The following CACNA1C variants were observed in gnomAD, a reference collection of about 807,000 sequenced individuals.
CACNA1C encodes voltage-dependent L-type calcium channel subunit alpha-1C.
Under a neutral mutation model 229.0 loss-of-function variants are expected in CACNA1C, and 30 were observed. The ratio of observed to expected loss-of-function variants is 0.13; its 90% CI spans 0.10 to 0.18. The LOEUF is 0.18. CACNA1C is among the 10% of genes least tolerant of loss of function. The probability of loss-of-function intolerance (pLI) is 1.00; values close to 1 mark genes in which losing one functional copy is unlikely to be tolerated. For missense variants in CACNA1C, 1,658 were observed against 2,845.0 expected (o/e 0.58, Z 9.49); for synonymous variants, 1,114 against 1,132.5 (o/e 0.98, Z 0.33).
chr12:2,455,322 G>A (rs1243881773), intron 4 of CACNA1C, among the ~76,000 whole-genome samples: 1 of 151,436 alleles, frequency 6.6e-6, no homozygotes, highest in Non-Finnish European at 1.5e-5. Flanking sequence ...TTGAAATGTG[G>A]CTAATCTGCA....
intron 3 of CACNA1C, among the ~76,000 whole-genome samples, chr12:2,211,858 C>T (rs540987669): frequency 1.3e-5 from 2 of 151,512 alleles, no homozygotes; most frequent in South Asian, 2.1e-4. Context: ...AGCTGGGACT[C>T]CAGGCGCCCA....
chr12:2,563,656 C>T (rs767792528), intron 11 of CACNA1C, among the ~76,000 whole-genome samples: 2 of 152,256 alleles, frequency 1.3e-5, no homozygotes, highest in Non-Finnish European at 2.9e-5. Flanking sequence ...ACAGGATTTT[C>T]TGCAGATCAT....
At chr12:2,230,997 C>T (rs989620942) in intron 3 of CACNA1C, among the ~76,000 whole-genome samples, 1 of 152,166 alleles carries the variant, frequency 6.6e-6, no homozygotes, top group Non-Finnish European at 1.5e-5. Context: ...TTATTTGCCA[C>T]GCGGACTATT....
chr12:2,261,237 A>AAAAAC (rs1566742663), intron 3 of CACNA1C, among the ~76,000 whole-genome samples: 9 of 152,168 alleles, frequency 5.9e-5, no homozygotes, highest in African/African-American at 2.2e-4. Context: ...GTCTCAAAAA[A>AAAAAC]AAAAACAAAA....
Position 2,275,866 on chromosome 12 carries a change from A to C in CACNA1C, c.477+155436A>C, listed in dbSNP as rs1306306640. On this transcript the variant is annotated intron_variant, in intron 3 of 46. Coordinates refer to ENST00000399655, the MANE Select transcript of CACNA1C (RefSeq NM_000719.7). This position sits in a 1 kb window ranked among gnomAD's most constrained non-coding sequence, Gnocchi z 4.1. Reference sequence around the variant, plus strand: ...GCTTGTCTGCAGCGAGCCCTCAAAAAACATGGGTTTTGAGCCAGACGGAAA... The same window carrying C: ...GCTTGTCTGCAGCGAGCCCTCAAAACACATGGGTTTTGAGCCAGACGGAAA... Among the ~76,000 whole-genome samples, 1 of 151,456 alleles carries C rather than the reference A, an allele frequency of 6.6e-6. No homozygotes were observed. The highest frequency in any genetic ancestry group is 1.5e-5 in the Non-Finnish European group (1 of 67,992).
intron 39 of CACNA1C, 107 bp from the exon 40 acceptor site, chr12:2,676,987 A>ATATT: frequency 1.1e-6 from 1 of 916,508 alleles, no homozygotes; most frequent in Non-Finnish European, 1.7e-6. Context: ...CTCTCCAAAA[A>ATATT]TATTAAAGTT....
At chr12:2,635,628 A>G (rs1288779116) in intron 30 of CACNA1C, among the ~76,000 whole-genome samples, 2 of 151,752 alleles carry the variant, frequency 1.3e-5, no homozygotes, top group Non-Finnish European at 2.9e-5. Flanking sequence ...TCCAGATTAG[A>G]GACCCCTGTC....
At chr12:2,658,963 A>T (rs1009868244) in intron 34 of CACNA1C, among the ~76,000 whole-genome samples, 1 of 152,256 alleles carries the variant, frequency 6.6e-6, no homozygotes, top group Non-Finnish European at 1.5e-5. Flanking sequence ...ATTACAAAAG[A>T]GTCCAAAAGT....
At chr12:2,323,082 C>T (rs1226696855) in intron 3 of CACNA1C, among the ~76,000 whole-genome samples, 1 of 152,128 alleles carries the variant, frequency 6.6e-6, no homozygotes, top group African/African-American at 2.4e-5. Flanking sequence ...ATGCTCTTTC[C>T]CCATCTTCTC....
chr12:2,267,609 G>A (rs894370848), intron 3 of CACNA1C, among the ~76,000 whole-genome samples: 6 of 152,262 alleles, frequency 3.9e-5, no homozygotes, highest in African/African-American at 1.2e-4. Flanking sequence ...GAAAGAACCC[G>A]AAGCTCAGCT....
At chr12:2,451,720 C>T (rs997267951) in intron 4 of CACNA1C, among the ~76,000 whole-genome samples, 1 of 152,190 alleles carries the variant, frequency 6.6e-6, no homozygotes, top group Non-Finnish European at 1.5e-5. Context: ...AGGGGCCAGG[C>T]TTTTTCTGGG....
chr12:2,556,720 G>A (rs2044491784), intron 10 of CACNA1C, among the ~76,000 whole-genome samples: 2 of 152,194 alleles, frequency 1.3e-5, no homozygotes, highest in South Asian at 4.1e-4. Context: ...TCCCTCTGCA[G>A]CAAGGATTGT....
chr12:2,007,178 C>T (rs536799458), intron 1 of CACNA1C, among the ~76,000 whole-genome samples: 1 of 152,282 alleles, frequency 6.6e-6, no homozygotes, highest in East Asian at 1.9e-4. Flanking sequence ...CAGCATGAAC[C>T]CACAGATTCT....
intron 6 of CACNA1C, among the ~76,000 whole-genome samples, chr12:2,489,417 TCAGAAGAGGCGGCGTTTCCCTAATCC>T (rs1438251975): frequency 6.6e-6 from 1 of 152,180 alleles, no homozygotes; most frequent in Non-Finnish European, 1.5e-5. Flanking sequence ...GAAGGCGGTC[TCAGAAGAGGCGGCGTTTCCCTAATCC>T]CGGAGGCATC....
chr12:2,333,391 C>T (rs58623938), intron 3 of CACNA1C, among the ~76,000 whole-genome samples: 13,796 of 152,208 alleles, frequency 0.091, 1,870 homozygotes, highest in African/African-American at 0.29. Context: ...CTGGCCCCCA[C>T]GCTGCCATCC....
rs2091492256 is a variant in CACNA1C, at chr12:2,633,533, G to A, written c.3829-764G>A. On this transcript the variant is annotated intron_variant, in intron 29 of 46. Coordinates refer to ENST00000399655, the MANE Select transcript of CACNA1C (RefSeq NM_000719.7). The surrounding 1 kb of genome is among the most constrained non-coding windows in gnomAD (Gnocchi z 5.8). The stretch of plus-strand genomic sequence containing the variant: ...TCCGGAACTCCAGAGGCAACACGGA[G>A]GTGCCTGGACGATGATTCTGATGGT... 3.8e-6 allele frequency: 3 copies of A among 790,738 alleles called. No homozygotes were observed. The South Asian group carries it at 4.3e-5, about 11-fold the overall frequency. The allele number at this position is 790,738 out of a possible 1,614,324, so 49.0% of individuals were successfully genotyped here.
chr12:2,540,832 G>A (rs532422114), intron 9 of CACNA1C, among the ~76,000 whole-genome samples: 12 of 152,216 alleles, frequency 7.9e-5, no homozygotes, highest in African/African-American at 2.4e-4. Context: ...AGAGAGAACC[G>A]ACAGTGTCTT....
chr12:2,396,922 A>T (rs2098594411), intron 3 of CACNA1C, among the ~76,000 whole-genome samples: 1 of 152,242 alleles, frequency 6.6e-6, no homozygotes. Context: ...GCACTGTCTC[A>T]GCTCTTTCTT....
chr12:1,972,473 C>A (rs2032737765), intron 1 of CACNA1C, among the ~76,000 whole-genome samples: 1 of 152,086 alleles, frequency 6.6e-6, no homozygotes, highest in East Asian at 1.9e-4. Flanking sequence ...TTTGAAAGAT[C>A]CCAAGATATT....
Sources: gnomAD v4.1 joint callset for allele counts (sites outside exome capture counted in the v4.1 genomes callset) on GRCh38, gnomAD v4.1.1 for gene constraint, Gnocchi (gnomAD v3.1) non-coding constraint, MANE v1.5 for transcripts, NCBI Gene and HGNC (gene_info 2026-07-23, HGNC 2026-07-21) for gene names.